The following ABCG2 variants were observed in gnomAD, a reference collection of about 807,000 sequenced individuals.
ABCG2 encodes the protein broad substrate specificity ATP-binding cassette transporter ABCG2.
A neutral mutation model predicts 73.5 loss-of-function variants in ABCG2; 80 were observed. That is an observed-to-expected ratio of 1.09 (90% confidence interval 0.91 to 1.31). ABCG2 has a LOEUF of 1.31. ABCG2 is among the 50% of genes most tolerant of loss of function. The pLI is 0.00. For missense variants in ABCG2, 796 were observed against 786.2 expected, an observed-to-expected ratio of 1.01 and a Z score of -0.15; for synonymous variants, 269 against 282.4, an observed-to-expected ratio of 0.95 and a Z score of 0.48.
chr4:88,103,021 C>T (rs1275547104), intron 10 of ABCG2, among the ~76,000 whole-genome samples: 1 of 152,162 alleles, frequency 6.6e-6, no homozygotes, highest in Non-Finnish European at 1.5e-5. Context: ...TCAAGCAATC[C>T]TCCCAGCTTG....
rs531470186 is a variant in ABCG2, at chr4:88,107,089, A to T, written c.1277+95T>A. The T allele has an allele frequency of 1.6e-4, 150 of 913,098 alleles. No individual in the cohort carries two copies. The East Asian group carries it at 3.8e-3, about 23-fold the overall frequency. 56.6% of individuals were successfully genotyped at this position (913,098 alleles called of 1,614,324 possible). On this transcript the variant is annotated intron_variant, in intron 10 of 15. Transcript: ENST00000237612. Reference sequence around the variant, plus strand: ...CCCTCAATAAAAGAATGACATTTACACTATACTTGTCTTAAATTCAAATTC... The same window carrying T: ...CCCTCAATAAAAGAATGACATTTACTCTATACTTGTCTTAAATTCAAATTC...
chr4:88,216,752 A>G (rs1729828631), intron 1 of ABCG2, among the ~76,000 whole-genome samples: 1 of 152,170 alleles, frequency 6.6e-6, no homozygotes, highest in Non-Finnish European at 1.5e-5. Flanking sequence ...CACTGTGTCC[A>G]AGCGCAGTGG....
intron 1 of ABCG2, among the ~76,000 whole-genome samples, chr4:88,201,214 A>AAAG (rs1288767622): frequency 6.6e-6 from 1 of 151,166 alleles, no homozygotes; most frequent in Non-Finnish European, 1.5e-5. Context: ...AACTGCAAAA[A>AAAG]AAAAAAAAAA....
At chr4:88,227,135 G>T (rs1730253733) in intron 1 of ABCG2, among the ~76,000 whole-genome samples, 1 of 152,128 alleles carries the variant, frequency 6.6e-6, no homozygotes, top group South Asian at 2.1e-4. Flanking sequence ...TATCACTTCT[G>T]TAATCTCAGC....
At chr4:88,144,490 T>C (rs1725845072) in intron 1 of ABCG2, among the ~76,000 whole-genome samples, 1 of 141,834 alleles carries the variant, frequency 7.1e-6, no homozygotes, top group Non-Finnish European at 1.5e-5. Flanking sequence ...AGTTTCACTC[T>C]TGTTGCCCAG....
chr4:88,186,720 C>A (rs1728469794), intron 1 of ABCG2, among the ~76,000 whole-genome samples: 1 of 151,060 alleles, frequency 6.6e-6, no homozygotes, highest in East Asian at 1.9e-4. Flanking sequence ...GAGATCGAGA[C>A]CATCCCGGCT....
intron 9 of ABCG2, among the ~76,000 whole-genome samples, chr4:88,109,961 T>A (rs1302480696): frequency 6.6e-6 from 1 of 152,150 alleles, no homozygotes; most frequent in Non-Finnish European, 1.5e-5. Context: ...TTTTTTATTA[T>A]TTTTTAGAGA....
chr4:88,102,072 G>A (rs4693924), intron 10 of ABCG2, among the ~76,000 whole-genome samples: 12,606 of 152,148 alleles, frequency 0.083, 748 homozygotes, highest in East Asian at 0.26. Flanking sequence ...ACAGTGAAGG[G>A]AACCTTCAAT....
Position 88,131,858 on chromosome 4 carries a change from A to T in ABCG2, c.323T>A (p.Ile108Lys). 6.2e-7 allele frequency: 1 copy of T among 1,613,956 alleles called. No individual in the cohort carries two copies. The change falls in exon 4 of 16, where the codon ATA (isoleucine) becomes AAA (lysine). Residue 108 changes from isoleucine (I) to lysine (K), a missense_variant. Ile to Lys is a moderately radical substitution (Grantham distance 102, BLOSUM62 -3). Transcript: ENST00000237612. ...DPSGLSGDVL[I>K]NGAPRPANFK... ...ATTGGCAGGTCGCGGTGCTCCATTT[A>T]TCAGAACATCTCCAGATAATCCACT...
At chr4:88,106,303 G>A (rs1020000843) in intron 10 of ABCG2, among the ~76,000 whole-genome samples, 13 of 152,046 alleles carry the variant, frequency 8.6e-5, no homozygotes, top group Admixed American at 7.9e-4. Flanking sequence ...ACACCTGGCT[G>A]AAAGAGATAT....
chr4:88,110,419 C>T (rs530819962), intron 9 of ABCG2, among the ~76,000 whole-genome samples: 64 of 151,826 alleles, frequency 4.2e-4, no homozygotes, highest in African/African-American at 1.5e-3. Context: ...GGCGGGCACC[C>T]GTAGTCCCAG....
At chr4:88,143,470 T>C (rs1725776044) in intron 1 of ABCG2, among the ~76,000 whole-genome samples, 1 of 152,200 alleles carries the variant, frequency 6.6e-6, no homozygotes. Context: ...AAAGACACTT[T>C]TGTGAGGTTT....
intron 1 of ABCG2, among the ~76,000 whole-genome samples, chr4:88,225,682 G>A (rs1422693357): frequency 6.6e-6 from 1 of 152,200 alleles, no homozygotes; most frequent in Non-Finnish European, 1.5e-5. Flanking sequence ...ACAGGCTCCT[G>A]ATGGGATCTC....
chr4:88,121,577 T>C, intron 6 of ABCG2, 58 bp downstream of exon 6: 1 of 1,505,632 alleles, frequency 6.6e-7, no homozygotes, highest in Non-Finnish European at 9.0e-7. Flanking sequence ...CCCAAGAATA[T>C]CTGGGACATA....
intron 1 of ABCG2, among the ~76,000 whole-genome samples, chr4:88,227,441 A>G (rs1003776271): frequency 1.3e-5 from 2 of 152,222 alleles, no homozygotes; most frequent in Non-Finnish European, 1.5e-5. Flanking sequence ...ATACAAAAGT[A>G]CACTAATACC....
At chr4:88,182,657 G>A (rs996593688) in intron 1 of ABCG2, among the ~76,000 whole-genome samples, 1 of 152,038 alleles carries the variant, frequency 6.6e-6, no homozygotes, top group African/African-American at 2.4e-5. Context: ...ATGACTAGTG[G>A]GTCAATGAAG....
intron 1 of ABCG2, among the ~76,000 whole-genome samples, chr4:88,211,139 A>G (rs1483247136): frequency 6.6e-6 from 1 of 151,836 alleles, no homozygotes; most frequent in African/African-American, 2.4e-5. Context: ...AAAGAAGAAG[A>G]GAGAGTAGTT....
chr4:88,223,181 G>T (rs1384184073), intron 1 of ABCG2, among the ~76,000 whole-genome samples: 1 of 152,200 alleles, frequency 6.6e-6, no homozygotes, highest in East Asian at 1.9e-4. Flanking sequence ...TAAGACTTAG[G>T]ACTTGGACTT....
intron 9 of ABCG2, among the ~76,000 whole-genome samples, chr4:88,110,334 G>A (rs1296213754): frequency 6.6e-6 from 1 of 152,076 alleles, no homozygotes; most frequent in Non-Finnish European, 1.5e-5. Context: ...CCTGAGGTCA[G>A]GAGTTCGAAG....
Sources: allele counts gnomAD v4.1 joint callset (sites outside exome capture counted in the v4.1 genomes callset), GRCh38; gene constraint gnomAD v4.1.1; transcripts MANE v1.5; gene names NCBI Gene and HGNC (gene_info 2026-07-23, HGNC 2026-07-21).